ADARB2: variants seen among roughly 807,000 people sequenced by gnomAD.
ADARB2 encodes the protein inactive double-stranded RNA-specific editase B2.
In ADARB2, 25 loss-of-function variants were observed where a neutral mutation model predicts 62.2. That is an observed-to-expected ratio of 0.40 (90% confidence interval 0.29 to 0.56). ADARB2 has a LOEUF of 0.56. Ranked by LOEUF, ADARB2 falls within the 20% of genes least tolerant of loss-of-function variation. ADARB2 has a pLI of 0.43. For synonymous variants in ADARB2, 572 were observed against 500.8 expected (o/e 1.14, Z -1.90); for missense variants, 1,071 against 1,077.4 (o/e 0.99, Z 0.08).
At chr10:1,459,329 G>A (rs1320277308) in intron 1 of ADARB2, among the ~76,000 whole-genome samples, 3 of 152,178 alleles carry the variant, frequency 2.0e-5, no homozygotes, top group African/African-American at 4.8e-5. Flanking sequence ...ATACACCATG[G>A]CGTACTATGC....
intron 1 of ADARB2, among the ~76,000 whole-genome samples, chr10:1,585,557 C>T (rs1833164379): frequency 6.6e-6 from 1 of 152,116 alleles, no homozygotes. Context: ...TGAGCCAGAC[C>T]AAGGCTTACG....
At chr10:1,423,237 A>G (rs1832866129) in intron 1 of ADARB2, among the ~76,000 whole-genome samples, 2 of 152,210 alleles carry the variant, frequency 1.3e-5, no homozygotes, top group South Asian at 4.1e-4. Context: ...GCTTCACGCC[A>G]TTGCTTACAC....
intron 1 of ADARB2, among the ~76,000 whole-genome samples, chr10:1,520,402 T>C (rs1832059129): frequency 6.6e-6 from 1 of 152,226 alleles, no homozygotes; most frequent in Admixed American, 6.5e-5. Context: ...ACTTTTCACT[T>C]TCATTTTTAA....
At chr10:1,283,718 A>G (rs1254799081) in intron 3 of ADARB2, among the ~76,000 whole-genome samples, 1 of 152,224 alleles carries the variant, frequency 6.6e-6, no homozygotes, top group Non-Finnish European at 1.5e-5. Flanking sequence ...ACCAGTGTAG[A>G]CAGCCTATGG....
At chr10:1,428,715 C>G (rs1830742622) in intron 1 of ADARB2, among the ~76,000 whole-genome samples, 1 of 152,008 alleles carries the variant, frequency 6.6e-6, no homozygotes, top group Non-Finnish European at 1.5e-5. Flanking sequence ...ATGAAAGGGA[C>G]AACATGGGGA....
chr10:1,732,547 G>C (rs1282473949), intron 1 of ADARB2, among the ~76,000 whole-genome samples: 4 of 152,170 alleles, frequency 2.6e-5, no homozygotes, highest in African/African-American at 9.7e-5. Context: ...TTTAAAAAGA[G>C]AAAGGGGGAA....
intron 1 of ADARB2, among the ~76,000 whole-genome samples, chr10:1,652,330 C>G (rs548604688): frequency 6.6e-6 from 1 of 152,178 alleles, no homozygotes; most frequent in Non-Finnish European, 1.5e-5. Flanking sequence ...TAGCAGTGAC[C>G]AGGACTGCCA....
chr10:1,737,360 G>A lies in ADARB2; in HGVS notation c.-210C>T, dbSNP rs750498021. 6 of 551,838 alleles carry A rather than the reference G, an allele frequency of 1.1e-5. No individual in the cohort carries two copies. Among genetic ancestry groups the A allele is most frequent in the Admixed American group, 3.1e-5 (1 of 31,914 alleles). 34.2% of individuals were successfully genotyped at this position (551,838 alleles called of 1,614,324 possible). A position where few individuals can be genotyped will look rare whatever the true frequency, so the allele number is the denominator to read the frequency against. ...TTGCTCCCACTGGGCTGGGGGCCTCGGCTGGGCGCCTGGAGCGAGCTGCTC... is the reference window on the plus strand; with the variant it reads ...TTGCTCCCACTGGGCTGGGGGCCTCAGCTGGGCGCCTGGAGCGAGCTGCTC... On this transcript the variant is annotated 5_prime_UTR_variant, in exon 1 of 10. Transcript: ENST00000381312.
At chr10:1,301,947 A>C (rs75393810) in intron 3 of ADARB2, among the ~76,000 whole-genome samples, 7,913 of 152,240 alleles carry the variant, frequency 0.052, 237 homozygotes, top group African/African-American at 0.082. Flanking sequence ...CCCACGGTTC[A>C]CAGGAGGGCT....
intron 1 of ADARB2, chr10:1,534,651 T>A (rs1198733028): frequency 1.3e-5 from 2 of 154,566 alleles, no homozygotes; most frequent in African/African-American, 2.4e-5. Context: ...TGGTCTCATT[T>A]CCGGATGCTG....
chr10:1,647,592 G>A (rs560106165), intron 1 of ADARB2, among the ~76,000 whole-genome samples: 1 of 151,986 alleles, frequency 6.6e-6, no homozygotes, highest in Admixed American at 6.6e-5. Context: ...TATAGTGTGT[G>A]TATATATGTC....
At chr10:1,373,318 A>C (rs1203804452) in intron 2 of ADARB2, among the ~76,000 whole-genome samples, 1 of 151,686 alleles carries the variant, frequency 6.6e-6, no homozygotes, top group Admixed American at 6.6e-5. Flanking sequence ...TCTGACACAC[A>C]CACACACACC....
intron 1 of ADARB2, among the ~76,000 whole-genome samples, chr10:1,577,798 A>G (rs1372943302): frequency 6.6e-6 from 1 of 152,226 alleles, no homozygotes; most frequent in African/African-American, 2.4e-5. Flanking sequence ...CGGTGACTGT[A>G]TTTGGAGATC....
rs190385520 is a variant in ADARB2 at position 1,496,954 on chromosome 10, A to G, written c.101-117794T>C. Reference sequence around the variant, plus strand: ...AACCACATATTAAGAGGTCTTAGATACATATTTATAGCACCATGACCCAGT... The same window carrying G: ...AACCACATATTAAGAGGTCTTAGATGCATATTTATAGCACCATGACCCAGT... On this transcript the variant is annotated intron_variant, in intron 1 of 9. Transcript: ENST00000381312. 2.6e-5 allele frequency among the ~76,000 whole-genome samples: 4 copies of G among 152,292 alleles called. No individual in the cohort carries two copies. The East Asian group carries it at 7.7e-4, about 29-fold the overall frequency.
intron 1 of ADARB2, among the ~76,000 whole-genome samples, chr10:1,633,901 C>A (rs573263525): frequency 6.6e-6 from 1 of 152,168 alleles, no homozygotes; most frequent in Non-Finnish European, 1.5e-5. Flanking sequence ...TGTGCCAGCA[C>A]CATGTGAACC....
chr10:1,525,391 A>G (rs890824895), intron 1 of ADARB2, among the ~76,000 whole-genome samples: 2 of 152,176 alleles, frequency 1.3e-5, no homozygotes, highest in Non-Finnish European at 2.9e-5. Flanking sequence ...ATCTGAAAAC[A>G]TTTATTTCAC....
At chr10:1,396,898 CG>C in intron 1 of ADARB2, among the ~76,000 whole-genome samples, 4 of 108,184 alleles carry the variant, frequency 3.7e-5, no homozygotes, top group Non-Finnish European at 6.0e-5. Flanking sequence ...GGTCACCGTC[CG>C]TCTCTCCCCT....
rs1564257738 is a variant in ADARB2, at chr10:1,326,776, C to CCTCCCCACTGCCCAGCG, written c.1077+36251_1077+36252insCGCTGGGCAGTGGGGAG. ...GGCACGGCGCCTCTGGTAGCACAGC[C>CCTCCCCACTGCCCAGCG]CCTCCTCACTGCCCAGCGCCTCCCC... is the stretch of plus-strand genomic sequence containing the variant. On this transcript the variant is annotated intron_variant, in intron 3 of 9. Transcript: ENST00000381312. Among the ~76,000 whole-genome samples the CCTCCCCACTGCCCAGCG allele has an allele frequency of 4.1e-5, 3 of 73,960 alleles. 1 individual carries two copies. Among genetic ancestry groups the CCTCCCCACTGCCCAGCG allele is most frequent in the African/African-American group, 1.3e-4 (3 of 23,818 alleles). The allele number at this position is 73,960 out of a possible 152,430, so 48.5% of individuals were successfully genotyped here.
At chr10:1,402,287 G>A (rs1304424439) in intron 1 of ADARB2, among the ~76,000 whole-genome samples, 1 of 152,172 alleles carries the variant, frequency 6.6e-6, no homozygotes, top group East Asian at 1.9e-4. Flanking sequence ...CAGGGGTAGG[G>A]CGCCTTCTAA....
Sources: allele counts gnomAD v4.1 joint callset (sites outside exome capture counted in the v4.1 genomes callset), GRCh38; gene constraint gnomAD v4.1.1; transcripts MANE v1.5; gene names NCBI Gene and HGNC (gene_info 2026-07-23, HGNC 2026-07-21).